Variants in TCF12 observed in about 807,000 individuals in gnomAD.
TCF12 encodes DNA-binding protein HTF4.
TCF12 carries 45 observed loss-of-function variants against 86.0 expected under a neutral mutation model. The ratio of observed to expected loss-of-function variants is 0.52; its 90% CI spans 0.41 to 0.67. TCF12 has a LOEUF of 0.67. Ranked by LOEUF, TCF12 falls within the 30% of genes least tolerant of loss-of-function variation. TCF12 has a pLI of 0.00. For missense variants in TCF12, 881 were observed against 859.9 expected, an observed-to-expected ratio of 1.02 and a Z score of -0.31; for synonymous variants, 330 against 299.6, an observed-to-expected ratio of 1.10 and a Z score of -1.05.
chr15:57,077,393 T>TTTTGGCAAGGCTTTGCTC, intron 4 of TCF12, among the ~76,000 whole-genome samples: 1 of 143,048 alleles, frequency 7.0e-6, no homozygotes, highest in Non-Finnish European at 1.5e-5. Flanking sequence ...TTTTTTTTTT[T>TTTTGGCAAGGCTTTGCTC]TGGCAAGGCT....
chr15:57,052,547 G>T (rs2067707350), intron 3 of TCF12, among the ~76,000 whole-genome samples: 1 of 150,606 alleles, frequency 6.6e-6, no homozygotes, highest in Admixed American at 6.6e-5. Context: ...TGAGGCAAGA[G>T]ATTCACTTGA....
intron 3 of TCF12, among the ~76,000 whole-genome samples, chr15:56,965,043 T>C (rs2140638029): frequency 6.6e-6 from 1 of 152,276 alleles, no homozygotes; most frequent in South Asian, 2.1e-4. Flanking sequence ...TTTTTTCAGT[T>C]CTCTCAAGAA....
At chr15:57,102,753 G>A (rs2049848233) in intron 5 of TCF12, among the ~76,000 whole-genome samples, 1 of 152,128 alleles carries the variant, frequency 6.6e-6, no homozygotes, top group Non-Finnish European at 1.5e-5. Context: ...TATACAGAAT[G>A]GTAAGTTATT....
At chr15:57,175,367 A>T (rs2055835989) in intron 6 of TCF12, among the ~76,000 whole-genome samples, 1 of 152,186 alleles carries the variant, frequency 6.6e-6, no homozygotes, top group South Asian at 2.1e-4. Context: ...CTTAAAAAAA[A>T]GAATTCCTAC....
chr15:57,176,397 C>T (rs1341445317), intron 6 of TCF12, among the ~76,000 whole-genome samples: 1 of 152,156 alleles, frequency 6.6e-6, no homozygotes, highest in East Asian at 1.9e-4. Flanking sequence ...TGTATAAGCA[C>T]AGACAGCAAA....
At chr15:56,939,567 CTG>C (rs1327896850) in intron 3 of TCF12, among the ~76,000 whole-genome samples, 1 of 152,102 alleles carries the variant, frequency 6.6e-6, no homozygotes, top group Non-Finnish European at 1.5e-5. Flanking sequence ...ATTATAAACT[CTG>C]TGGAAGCAAA....
At chr15:56,956,941 G>T (rs1244809208) in intron 3 of TCF12, among the ~76,000 whole-genome samples, 1 of 152,068 alleles carries the variant, frequency 6.6e-6, no homozygotes, top group Non-Finnish European at 1.5e-5. Context: ...AATTCATGTT[G>T]AAATTTTATT....
chr15:57,228,791 G>T (rs1453263914), intron 8 of TCF12, among the ~76,000 whole-genome samples: 1 of 151,942 alleles, frequency 6.6e-6, no homozygotes, highest in African/African-American at 2.4e-5. Context: ...ATGGGAATAA[G>T]GATAAAGAAA....
chr15:57,180,806 A>ATTTTTTTTTTTTTTTTTTTTTT (rs34557385), intron 6 of TCF12, among the ~76,000 whole-genome samples: 1 of 82,122 alleles, frequency 1.2e-5, no homozygotes, highest in African/African-American at 5.1e-5. Context: ...GATGCTAATA[A>ATTTTTTTTTTTTTTTTTTTTTT]TTTTTTTTTT....
At chr15:57,154,126 T>G (rs2053957364) in intron 5 of TCF12, among the ~76,000 whole-genome samples, 1 of 151,924 alleles carries the variant, frequency 6.6e-6, no homozygotes, top group South Asian at 2.1e-4. Context: ...ATAATGCAAA[T>G]TTTCAAAATG....
At position 57,253,363 on chromosome 15, in the gene TCF12, T is replaced by C. The variant is rs2060206286; in HGVS notation, c.1362T>C (p.Ser454=). The C allele has an allele frequency of 6.2e-7, 1 of 1,613,968 alleles. No individual in the cohort carries two copies. Among genetic ancestry groups the C allele is most frequent in the African/African-American group, 1.3e-5 (1 of 74,908 alleles). ...CCACCAGTTTGCCTGCTGGTCACAG[T>C]GATATACATAGTTTATTGGGACCAT... is the stretch of plus-strand genomic sequence containing the variant. ...GPSTSLPAGH[S]DIHSLLGPSH... Residue 454 remains serine (S), a synonymous_variant, in exon 16 of 21, where the codon AGT becomes AGC. Transcript: ENST00000333725.
intron 3 of TCF12, among the ~76,000 whole-genome samples, chr15:56,940,581 C>G (rs901411308): frequency 8.3e-4 from 123 of 149,068 alleles, no homozygotes; most frequent in African/African-American, 3.0e-3. Flanking sequence ...TCTTCTTCTC[C>G]TTCTCCTCCT....
chr15:57,044,447 C>A (rs1472940246), intron 3 of TCF12, among the ~76,000 whole-genome samples: 1 of 152,030 alleles, frequency 6.6e-6, no homozygotes, highest in Non-Finnish European at 1.5e-5. Context: ...CTTATATTGT[C>A]ATTTAATTAC....
chr15:57,165,944 A>G (rs2054859990), intron 5 of TCF12, among the ~76,000 whole-genome samples: 1 of 152,188 alleles, frequency 6.6e-6, no homozygotes, highest in Admixed American at 6.5e-5. Flanking sequence ...TGTTGGCTAT[A>G]TAAATGTCTT....
chr15:56,929,062 G>T (rs1488118777), intron 3 of TCF12, among the ~76,000 whole-genome samples: 2 of 152,154 alleles, frequency 1.3e-5, no homozygotes, highest in Admixed American at 1.3e-4. Flanking sequence ...CATATCTGTA[G>T]TAATTTAAAT....
At chr15:57,008,433 T>A (rs2064615446) in intron 3 of TCF12, among the ~76,000 whole-genome samples, 1 of 151,196 alleles carries the variant, frequency 6.6e-6, no homozygotes, top group African/African-American at 2.4e-5. Context: ...TGGAGTATAG[T>A]GGTGCAGTTA....
chr15:57,271,888 A>G (rs2061162128), intron 18 of TCF12, among the ~76,000 whole-genome samples: 1 of 152,184 alleles, frequency 6.6e-6, no homozygotes, highest in Admixed American at 6.5e-5. Flanking sequence ...GACAAGTGTA[A>G]AAGTTATTTA....
intron 5 of TCF12, among the ~76,000 whole-genome samples, chr15:57,122,902 T>C (rs1213201858): frequency 1.3e-5 from 2 of 152,226 alleles, no homozygotes; most frequent in African/African-American, 4.8e-5. Flanking sequence ...TTATTCTTTC[T>C]ACATAAAATA....
At chr15:57,265,987 T>G (rs1222235819) in intron 18 of TCF12, among the ~76,000 whole-genome samples, 1 of 152,194 alleles carries the variant, frequency 6.6e-6, no homozygotes, top group African/African-American at 2.4e-5. Flanking sequence ...AACTGTATAT[T>G]AATATAAGGG....
Sources: gnomAD v4.1 joint callset for allele counts (sites outside exome capture counted in the v4.1 genomes callset) on GRCh38, gnomAD v4.1.1 for gene constraint, MANE v1.5 for transcripts, NCBI Gene and HGNC (gene_info 2026-07-23, HGNC 2026-07-21) for gene names.